SPAG16: variants seen among roughly 807,000 people sequenced by gnomAD.
SPAG16 encodes sperm associated antigen 16.
SPAG16 carries 86 observed loss-of-function variants against 80.4 expected under a neutral mutation model. That is an observed-to-expected ratio of 1.07 (90% CI 0.90 to 1.28). SPAG16 has a LOEUF of 1.28. Ranked by LOEUF, SPAG16 falls within the 50% of genes most tolerant of loss-of-function variation. SPAG16 has a pLI of 0.00. For missense variants in SPAG16, 870 were observed against 765.3 expected, an observed-to-expected ratio of 1.14 and a Z score of -1.61; for synonymous variants, 294 against 265.9, an observed-to-expected ratio of 1.11 and a Z score of -1.03.
intron 14 of SPAG16, among the ~76,000 whole-genome samples, chr2:214,111,749 A>G (rs1051774803): frequency 2.8e-5 from 4 of 143,072 alleles, no homozygotes; most frequent in East Asian, 2.1e-4. Flanking sequence ...TATTCTTCCT[A>G]TCCGTGACCA....
intron 10 of SPAG16, among the ~76,000 whole-genome samples, chr2:213,689,010 A>G (rs1238285043): frequency 1.3e-5 from 2 of 152,076 alleles, no homozygotes; most frequent in Non-Finnish European, 2.9e-5. Context: ...CCCAGGCTGG[A>G]GTGCAGTGGC....
At chr2:213,608,961 G>A (rs2061356605) in intron 10 of SPAG16, among the ~76,000 whole-genome samples, 6 of 152,218 alleles carry the variant, frequency 3.9e-5, no homozygotes, top group Admixed American at 3.9e-4. Flanking sequence ...GGGATTACAG[G>A]CGTGAGCCAT....
At chr2:213,518,250 C>G (rs2075519555) in intron 10 of SPAG16, among the ~76,000 whole-genome samples, 1 of 152,150 alleles carries the variant, frequency 6.6e-6, no homozygotes, top group South Asian at 2.1e-4. Context: ...TGATGCAAAA[C>G]CATCGTACAC....
intron 10 of SPAG16, among the ~76,000 whole-genome samples, chr2:213,824,827 A>C (rs1575250183): frequency 6.6e-6 from 1 of 152,254 alleles, no homozygotes; most frequent in East Asian, 1.9e-4. Flanking sequence ...TCTTTGGGTA[A>C]TATGGACACT....
intron 3 of SPAG16, among the ~76,000 whole-genome samples, chr2:213,307,771 A>C (rs991632160): frequency 6.6e-6 from 1 of 152,038 alleles, no homozygotes; most frequent in Admixed American, 6.6e-5. Flanking sequence ...ACTGACTTCC[A>C]CAATGGTTGA....
intron 10 of SPAG16, among the ~76,000 whole-genome samples, chr2:213,704,736 A>C (rs892214326): frequency 1.9e-4 from 29 of 152,202 alleles, no homozygotes; most frequent in African/African-American, 6.8e-4. Flanking sequence ...AAAATAAGCC[A>C]AGTCAATGAG....
chr2:214,173,789 C>T (rs1229183111), intron 15 of SPAG16, among the ~76,000 whole-genome samples: 1 of 151,948 alleles, frequency 6.6e-6, no homozygotes, highest in Non-Finnish European at 1.5e-5. Flanking sequence ...GAATTTTAGA[C>T]CAATATCCTT....
At chr2:214,358,331 T>C (rs1698953736) in intron 15 of SPAG16, among the ~76,000 whole-genome samples, 1 of 151,924 alleles carries the variant, frequency 6.6e-6, no homozygotes, top group Admixed American at 6.6e-5. Flanking sequence ...TCACCAGAAA[T>C]GAGCAGATAG....
At chr2:213,417,286 T>C (rs909732415) in intron 9 of SPAG16, among the ~76,000 whole-genome samples, 3 of 152,228 alleles carry the variant, frequency 2.0e-5, no homozygotes, top group African/African-American at 7.2e-5. Context: ...TGGAAAACTT[T>C]GCTTTAGGGG....
At chr2:213,474,862 C>A (rs1011770492) in intron 9 of SPAG16, among the ~76,000 whole-genome samples, 5 of 152,250 alleles carry the variant, frequency 3.3e-5, no homozygotes, top group African/African-American at 1.2e-4. Context: ...AGCCCACTGA[C>A]TCAAATGTTA....
At chr2:213,977,523 A>G (rs1250238439) in intron 12 of SPAG16, among the ~76,000 whole-genome samples, 1 of 152,088 alleles carries the variant, frequency 6.6e-6, no homozygotes, top group African/African-American at 2.4e-5. Flanking sequence ...AAAAGGCACA[A>G]AGGAGACATA....
At chr2:213,358,070 T>A (rs745679075) in intron 7 of SPAG16, among the ~76,000 whole-genome samples, 1 of 152,082 alleles carries the variant, frequency 6.6e-6, no homozygotes, top group Non-Finnish European at 1.5e-5. Context: ...CCTTTAAGAG[T>A]GTCGAATATT....
chr2:214,169,903 T>C (rs374981148), intron 15 of SPAG16, among the ~76,000 whole-genome samples: 6 of 151,996 alleles, frequency 3.9e-5, no homozygotes, highest in Admixed American at 2.0e-4. Flanking sequence ...GTGAAAAATA[T>C]ATGAGTGAAC....
At chr2:214,359,640 A>G (rs1699047533) in intron 15 of SPAG16, among the ~76,000 whole-genome samples, 1 of 151,878 alleles carries the variant, frequency 6.6e-6, no homozygotes, top group Admixed American at 6.6e-5. Flanking sequence ...AATAGAGTAA[A>G]TATCAAAGGA....
intron 15 of SPAG16, among the ~76,000 whole-genome samples, chr2:214,194,028 A>T (rs929605779): frequency 3.3e-5 from 5 of 152,128 alleles, no homozygotes; most frequent in African/African-American, 1.2e-4. Flanking sequence ...ATTACTCTTT[A>T]TATAATACTC....
intron 9 of SPAG16, among the ~76,000 whole-genome samples, chr2:213,444,438 C>A (rs190772194): frequency 1.3e-5 from 2 of 152,258 alleles, no homozygotes; most frequent in Admixed American, 1.3e-4. Context: ...CTTAGTACAT[C>A]CATAAGAGGA....
intron 10 of SPAG16, among the ~76,000 whole-genome samples, chr2:213,775,652 CT>C (rs2069529258): frequency 6.6e-6 from 1 of 152,198 alleles, no homozygotes; most frequent in Admixed American, 6.5e-5. Flanking sequence ...TCAGTCCCTG[CT>C]ACTTACCATT....
intron 15 of SPAG16, among the ~76,000 whole-genome samples, chr2:214,356,802 T>A (rs1698834858): frequency 6.6e-6 from 1 of 151,972 alleles, no homozygotes; most frequent in Admixed American, 6.6e-5. Flanking sequence ...CACTAAAAAT[T>A]ATGTTAAAAT....
chr2:213,317,421 A>G, intron 5 of SPAG16, 65 bp downstream of exon 5: 1 of 1,527,110 alleles, frequency 6.5e-7, no homozygotes, highest in Non-Finnish European at 8.8e-7. Context: ...AGTTGAGTGA[A>G]GCTGATATAT....
Sources: gnomAD v4.1 joint callset for allele counts (sites outside exome capture counted in the v4.1 genomes callset) on GRCh38, gnomAD v4.1.1 for gene constraint, MANE v1.5 for transcripts, NCBI Gene and HGNC (gene_info 2026-07-23, HGNC 2026-07-21) for gene names.